The following SOX5 variants were observed in gnomAD, a reference collection of about 807,000 sequenced individuals.
The protein encoded by SOX5 is SRY-box transcription factor 5, also known as transcription factor SOX-5.
Under a neutral mutation model 92.0 loss-of-function variants are expected in SOX5, and 9 were observed. The ratio of observed to expected loss-of-function variants is 0.10; its 90% CI spans 0.06 to 0.17. The LOEUF (loss-of-function observed/expected upper bound fraction) is 0.17. Ranked by LOEUF, SOX5 falls within the 10% of genes least tolerant of loss-of-function variation. The pLI, the probability that SOX5 is intolerant of heterozygous loss-of-function variation, is 1.00. For missense variants in SOX5, 642 were observed against 944.5 expected, an observed-to-expected ratio of 0.68 and a Z score of 4.20; for synonymous variants, 344 against 336.3, an observed-to-expected ratio of 1.02 and a Z score of -0.25.
intron 3 of SOX5, among the ~76,000 whole-genome samples, chr12:24,245,222 T>C (rs926783262): frequency 2.1e-5 from 3 of 144,738 alleles, no homozygotes; most frequent in Admixed American, 7.4e-5. Flanking sequence ...GCATCATTTG[T>C]GTTTGGAGAG....
chr12:23,962,870 A>G (rs1458866985), intron 4 of SOX5, among the ~76,000 whole-genome samples: 2 of 152,344 alleles, frequency 1.3e-5, no homozygotes, highest in Admixed American at 6.5e-5. Flanking sequence ...TAGTGACATT[A>G]TGCCAAGGGC....
chr12:23,622,345 T>A (rs2138131517), intron 8 of SOX5, among the ~76,000 whole-genome samples: 1 of 152,116 alleles, frequency 6.6e-6, no homozygotes, highest in African/African-American at 2.4e-5. Context: ...GGGCTAGAAG[T>A]CTATTCAGTT....
In SOX5 at chr12:24,032,843, T is replaced by G. The variant is rs145537393; in HGVS notation, c.-1-136819A>C. ...AATAGCATTTTATTTTCAATTAAAT[T>G]ACTTTCAAACTACACTCTCTTCTGC... On this transcript the variant is annotated intron_variant, in intron 4 of 4. Transcript: ENST00000446891. Among the ~76,000 whole-genome samples, 334 of 152,036 alleles carry G rather than the reference T, an allele frequency of 2.2e-3. 8 individuals carry two copies. In the East Asian group the frequency reaches 0.024, roughly 11 times the overall value.
intron 7 of SOX5, among the ~76,000 whole-genome samples, chr12:23,652,499 G>A (rs1297929839): frequency 6.9e-6 from 1 of 145,870 alleles, no homozygotes; most frequent in Non-Finnish European, 1.5e-5. Context: ...AGTGACTGTA[G>A]CCTAGACCTC....
chr12:24,096,144 T>C (rs1569541263), intron 4 of SOX5, among the ~76,000 whole-genome samples: 1 of 152,202 alleles, frequency 6.6e-6, no homozygotes, highest in Non-Finnish European at 1.5e-5. Context: ...ATACTTTAAG[T>C]TCTGGGGTAC....
chr12:23,532,927 A>C lies in SOX5; in HGVS notation c.*1292T>G, dbSNP rs1939390814. The C allele has an allele frequency of 1.2e-5, 2 of 161,862 alleles. No homozygotes were observed. The highest frequency in any genetic ancestry group is 1.4e-5 in the Non-Finnish European group (1 of 73,308). The allele number at this position is 161,862 out of a possible 1,614,324, so 10.0% of individuals were successfully genotyped here. ...TGCTCAAAATATCAACAGGAAAAACAAAAATCACTAAGTAGCAAACGTTAA... is the reference window on the plus strand; with the variant it reads ...TGCTCAAAATATCAACAGGAAAAACCAAAATCACTAAGTAGCAAACGTTAA... On this transcript the variant is annotated 3_prime_UTR_variant, in exon 15 of 15. Transcript: ENST00000451604.
intron 2 of SOX5, among the ~76,000 whole-genome samples, chr12:23,882,080 T>A (rs192392099): frequency 8.4e-4 from 128 of 152,312 alleles, no homozygotes; most frequent in Admixed American, 3.1e-3. Flanking sequence ...GTTGAAGATA[T>A]ACACATCCTC....
At chr12:24,055,621 A>C (rs998986312) in intron 4 of SOX5, among the ~76,000 whole-genome samples, 6 of 152,240 alleles carry the variant, frequency 3.9e-5, no homozygotes, top group African/African-American at 1.2e-4. Context: ...TCTTAGAATC[A>C]TCAAAGACTG....
chr12:24,130,027 A>T (rs1949496242), intron 4 of SOX5, among the ~76,000 whole-genome samples: 1 of 152,206 alleles, frequency 6.6e-6, no homozygotes, highest in South Asian at 2.1e-4. Context: ...AAGATAGTGT[A>T]TATTGCATGT....
intron 3 of SOX5, among the ~76,000 whole-genome samples, chr12:24,236,147 T>G (rs1032163472): frequency 2.0e-5 from 3 of 151,986 alleles, no homozygotes; most frequent in Non-Finnish European, 2.9e-5. Context: ...GCAGTGAGCC[T>G]AGATCACACC....
intron 4 of SOX5, among the ~76,000 whole-genome samples, chr12:24,213,124 G>T (rs10771070): frequency 0.91 from 138,376 of 152,216 alleles, 63,057 homozygotes; most frequent in East Asian, 0.98. Context: ...GTAAGATTTT[G>T]TTTCTATTCT....
rs531256933 is a variant in SOX5 at position 23,851,344 on chromosome 12, T to G, written c.271-5151A>C. ...CTTCTACAAATGAAGTTTGCAATTT[T>G]GACAGCAAGTTTTATCAGCTCAATT... On this transcript the variant is annotated intron_variant, in intron 2 of 14. Transcript: ENST00000451604. Among the ~76,000 whole-genome samples the G allele has an allele frequency of 2.0e-5, 3 of 152,316 alleles. No individual in the cohort carries two copies. The South Asian group carries it at 6.2e-4, about 32-fold the overall frequency.
intron 1 of SOX5, among the ~76,000 whole-genome samples, chr12:23,903,114 A>T (rs1184680437): frequency 6.6e-6 from 1 of 152,196 alleles, no homozygotes; most frequent in African/African-American, 2.4e-5. Context: ...TTAGTGAAAG[A>T]TACTATGTGC....
intron 1 of SOX5, among the ~76,000 whole-genome samples, chr12:24,556,474 A>T (rs1390783035): frequency 6.6e-6 from 1 of 152,186 alleles, no homozygotes; most frequent in Non-Finnish European, 1.5e-5. Context: ...AGGACTGTTG[A>T]CTCCAGAGAG....
chr12:24,133,148 GA>G (rs984639930), intron 4 of SOX5, among the ~76,000 whole-genome samples: 4 of 152,166 alleles, frequency 2.6e-5, no homozygotes, highest in African/African-American at 9.6e-5. Flanking sequence ...TAATAAAAAG[GA>G]AAATCGTTGC....
chr12:23,670,925 T>C (rs988378477), intron 6 of SOX5, among the ~76,000 whole-genome samples: 2 of 152,124 alleles, frequency 1.3e-5, no homozygotes, highest in Admixed American at 1.3e-4. Flanking sequence ...GCCTAATCAC[T>C]GTGACTGAGC....
intron 6 of SOX5, among the ~76,000 whole-genome samples, chr12:23,711,129 CAA>C (rs1443759265): frequency 2.0e-5 from 3 of 152,220 alleles, no homozygotes; most frequent in Non-Finnish European, 4.4e-5. Context: ...ACCTTATTTT[CAA>C]AAAGAGTCTA....
upstream of SOX5, among the ~76,000 whole-genome samples, chr12:23,955,173 T>C (rs767832582): frequency 2.0e-4 from 31 of 152,232 alleles, no homozygotes; most frequent in Non-Finnish European, 3.7e-4. Flanking sequence ...AAATACAGCA[T>C]AATGGCAATT....
intron 2 of SOX5, among the ~76,000 whole-genome samples, chr12:23,886,085 C>T (rs1406813575): frequency 6.6e-6 from 1 of 152,032 alleles, no homozygotes; most frequent in African/African-American, 2.4e-5. Flanking sequence ...TGATTGTATT[C>T]CTTAAGGAGT....
Sources: allele counts gnomAD v4.1 joint callset (sites outside exome capture counted in the v4.1 genomes callset), GRCh38; gene constraint gnomAD v4.1.1; transcripts MANE v1.5; gene names NCBI Gene and HGNC (gene_info 2026-07-23, HGNC 2026-07-21).